CAMTA1: variants seen among roughly 807,000 people sequenced by gnomAD.
The protein encoded by CAMTA1 is calmodulin binding transcription activator 1.
A neutral mutation model predicts 170.9 loss-of-function variants in CAMTA1; 27 were observed. The ratio of observed to expected loss-of-function variants is 0.16; its 90% CI spans 0.12 to 0.22. The LOEUF (loss-of-function observed/expected upper bound fraction) is 0.22. Ranked by LOEUF, CAMTA1 falls within the 10% of genes least tolerant of loss-of-function variation. The probability of loss-of-function intolerance (pLI) is 1.00; values close to 1 mark genes in which losing one functional copy is unlikely to be tolerated. For synonymous variants in CAMTA1, 833 were observed against 891.5 expected (o/e 0.93, Z 1.17); for missense variants, 1,619 against 2,217.2 (o/e 0.73, Z 5.42).
chr1:6,974,657 C>T (rs968772513), intron 3 of CAMTA1, among the ~76,000 whole-genome samples: 3 of 152,192 alleles, frequency 2.0e-5, no homozygotes, highest in African/African-American at 7.2e-5. Context: ...ACTCCTCTTA[C>T]CTGCCGCACG....
chr1:7,243,830 G>A (rs1244032220), intron 4 of CAMTA1, among the ~76,000 whole-genome samples: 1 of 152,146 alleles, frequency 6.6e-6, no homozygotes, highest in African/African-American at 2.4e-5. Flanking sequence ...ATAGGAATGG[G>A]CAAGGACTTC....
chr1:7,577,102 T>C (rs921851235), intron 6 of CAMTA1, among the ~76,000 whole-genome samples: 21 of 152,242 alleles, frequency 1.4e-4, no homozygotes, highest in African/African-American at 4.8e-4. Context: ...ACTGGGGAGA[T>C]GGGACTGATT....
At chr1:7,239,078 G>A (rs1664403086) in intron 4 of CAMTA1, among the ~76,000 whole-genome samples, 1 of 152,034 alleles carries the variant, frequency 6.6e-6, no homozygotes, top group Non-Finnish European at 1.5e-5. Context: ...TTATACCATG[G>A]TCAGTCTTAT....
At chr1:7,160,245 AT>A (rs1226861744) in intron 4 of CAMTA1, among the ~76,000 whole-genome samples, 1 of 152,158 alleles carries the variant, frequency 6.6e-6, no homozygotes, top group South Asian at 2.1e-4. Flanking sequence ...TCTCAAAAAA[AT>A]AAAAGCTGTT....
intron 3 of CAMTA1, among the ~76,000 whole-genome samples, chr1:6,991,696 A>G (rs1244763640): frequency 6.6e-6 from 1 of 151,894 alleles, no homozygotes. Context: ...TTATTTGTTT[A>G]TCCATTCATT....
At chr1:7,199,235 G>T (rs1272968032) in intron 4 of CAMTA1, among the ~76,000 whole-genome samples, 3 of 152,208 alleles carry the variant, frequency 2.0e-5, no homozygotes, top group African/African-American at 7.2e-5. Context: ...CCACCCGCTG[G>T]GCATCCTGCC....
At chr1:7,284,173 T>TCTTCTC (rs1671975290) in intron 5 of CAMTA1, among the ~76,000 whole-genome samples, 1 of 114,594 alleles carries the variant, frequency 8.7e-6, no homozygotes, top group South Asian at 2.9e-4. Context: ...TTCTTCTTCT[T>TCTTCTC]CTTCTTATTA....
At chr1:7,266,191 G>A (rs1334268382) in intron 5 of CAMTA1, among the ~76,000 whole-genome samples, 1 of 150,270 alleles carries the variant, frequency 6.7e-6, no homozygotes, top group African/African-American at 2.4e-5. Context: ...TGCAGAGCGG[G>A]GGCGTGCTTG....
chr1:7,072,891 G>A (rs1182783691), intron 3 of CAMTA1, among the ~76,000 whole-genome samples: 1 of 152,214 alleles, frequency 6.6e-6, no homozygotes, highest in Admixed American at 6.5e-5. Flanking sequence ...GAATCCTGGG[G>A]CCAGATCATG....
At chr1:7,060,900 T>G (rs1708107387) in intron 3 of CAMTA1, among the ~76,000 whole-genome samples, 1 of 152,208 alleles carries the variant, frequency 6.6e-6, no homozygotes, top group Non-Finnish European at 1.5e-5. Context: ...TAACGAAGAT[T>G]TCCCTTTGTT....
intron 3 of CAMTA1, among the ~76,000 whole-genome samples, chr1:6,861,003 C>A (rs1160651758): frequency 2.8e-5 from 4 of 144,742 alleles, no homozygotes; most frequent in Non-Finnish European, 6.0e-5. Flanking sequence ...CTTGCCCTGT[C>A]ACCCAGGCTG....
At chr1:6,842,819 G>A (rs541072965) in intron 3 of CAMTA1, among the ~76,000 whole-genome samples, 2 of 152,196 alleles carry the variant, frequency 1.3e-5, no homozygotes, top group Non-Finnish European at 2.9e-5. Context: ...AGCTACTCGG[G>A]AGGCCAAGGC....
chr1:7,101,721 G>A (rs149110948), intron 4 of CAMTA1, among the ~76,000 whole-genome samples: 362 of 152,190 alleles, frequency 2.4e-3, no homozygotes, highest in African/African-American at 8.2e-3. Flanking sequence ...AACCATACAC[G>A]TGCACATAGA....
chr1:7,499,685 G>C lies in CAMTA1; in HGVS notation c.510+31784G>C, dbSNP rs1417979400. ...TGTGTGCATGAGTGTGTGTGAACCT[G>C]GTGTGCGTGCATATGTATATGAGTG... On this transcript the variant is annotated intron_variant, in intron 6 of 22. Transcript: ENST00000303635. Among the ~76,000 whole-genome samples, 2 of 143,460 alleles carry C rather than the reference G, an allele frequency of 1.4e-5. 1 individual carries two copies. Among genetic ancestry groups the C allele is most frequent in the Non-Finnish European group, 3.0e-5 (2 of 66,102 alleles). The allele number at this position is 143,460 out of a possible 152,430, so 94.1% of individuals were successfully genotyped here.
At position 7,665,099 on chromosome 1, in the gene CAMTA1, T is replaced by C. The variant is rs2095989806; in HGVS notation, c.2552T>C (p.Val851Ala). ...ATGGCCTACATGCACGTCGCCGAGG[T>C]GGTCTCGGCCGCCTCGGCCCAGGGC... ...STMAYMHVAE[V>A]VSAASAQGTL... Residue 851 changes from valine to alanine, a missense_variant, in exon 9 of 23, where the codon GTG becomes GCG. Transcript: ENST00000303635. This position sits in a 1 kb window ranked among gnomAD's most constrained non-coding sequence, Gnocchi z 4.3. 6.5e-7 allele frequency: 1 copy of C among 1,537,886 alleles called. No individual in the cohort carries two copies. The highest frequency in any genetic ancestry group is 8.7e-7 in the Non-Finnish European group (1 of 1,144,088).
chr1:7,680,136 G>T lies in CAMTA1; in HGVS notation c.2914+2403G>T. ...GCGGGAACAGCTAGTCGGGAGCGCG[G>T]GGGTCCCGGGCCTCTGGCCAGCCAC... On this transcript the variant is annotated intron_variant, in intron 11 of 22. Coordinates refer to ENST00000303635, the MANE Select transcript of CAMTA1 (RefSeq NM_015215.4). The surrounding 1 kb of genome is among the most constrained non-coding windows in gnomAD (Gnocchi z 4.4). The T allele has an allele frequency of 5.3e-6, 1 of 187,930 alleles. No homozygotes were observed. The highest frequency in any genetic ancestry group is 6.2e-5 in the South Asian group (1 of 16,232). The allele number at this position is 187,930 out of a possible 1,614,324, so 11.6% of individuals were successfully genotyped here. A position where few individuals can be genotyped will look rare whatever the true frequency, so the allele number is the denominator to read the frequency against.
chr1:7,264,234 T>C (rs766601272), intron 5 of CAMTA1, among the ~76,000 whole-genome samples: 42 of 152,174 alleles, frequency 2.8e-4, no homozygotes, highest in Non-Finnish European at 4.9e-4. Context: ...GATGCTGCAT[T>C]GATAGCAAGT....
At chr1:6,797,193 C>G (rs1642726430) in intron 1 of CAMTA1, among the ~76,000 whole-genome samples, 1 of 152,024 alleles carries the variant, frequency 6.6e-6, no homozygotes, top group Non-Finnish European at 1.5e-5. Flanking sequence ...CCTCAGTCCC[C>G]CAAGTGACTG....
At chr1:7,141,679 C>A (rs542190130) in intron 4 of CAMTA1, among the ~76,000 whole-genome samples, 1 of 152,180 alleles carries the variant, frequency 6.6e-6, no homozygotes, top group African/African-American at 2.4e-5. Context: ...GAGTCTGGCA[C>A]GCAGCAAGTG....
Sources: gnomAD v4.1 joint callset for allele counts (sites outside exome capture counted in the v4.1 genomes callset) on GRCh38, gnomAD v4.1.1 for gene constraint, Gnocchi (gnomAD v3.1) non-coding constraint, MANE v1.5 for transcripts, NCBI Gene and HGNC (gene_info 2026-07-23, HGNC 2026-07-21) for gene names.